Variants in VWA3B observed in about 807,000 individuals in gnomAD.
VWA3B encodes the protein von Willebrand factor A domain containing 3B.
VWA3B carries 138 observed loss-of-function variants against 158.3 expected under a neutral mutation model. That is an observed-to-expected ratio of 0.87 (90% CI 0.76 to 1.00). The LOEUF is 1.00. Among genes scored for constraint, VWA3B ranks in the 50% least tolerant of loss-of-function variants. The pLI, the probability that VWA3B is intolerant of heterozygous loss-of-function variation, is 0.00. For missense variants in VWA3B, 1,555 were observed against 1,565.1 expected (o/e 0.99, Z 0.11); for synonymous variants, 596 against 587.3 (o/e 1.01, Z -0.21).
chr2:98,130,918 A>G (rs997937631), intron 6 of VWA3B, among the ~76,000 whole-genome samples: 4 of 152,294 alleles, frequency 2.6e-5, no homozygotes, highest in South Asian at 2.1e-4. Flanking sequence ...TATCATTTCT[A>G]TGTGTTGGGA....
chr2:98,228,205 G>T lies in VWA3B; in HGVS notation c.2023G>T (p.Glu675Ter). ...TATTCACTTCTCATTTTGGCAGAATGAAGATCTGACTCTTTTAGTTAAGGA... is the reference window on the plus strand; with the variant it reads ...TATTCACTTCTCATTTTGGCAGAATTAAGATCTGACTCTTTTAGTTAAGGA... ...DPTPPEAVQN[E>*]DLTLLVKEME... Residue 675 changes from glutamate (E) to a stop codon, truncating the protein, a stop_gained, in exon 15 of 28, where the codon GAA becomes TAA. Coordinates refer to ENST00000477737, the MANE Select transcript of VWA3B (RefSeq NM_144992.5). LOFTEE classifies it high-confidence loss of function. 1 of 1,611,082 alleles carries T rather than the reference G, an allele frequency of 6.2e-7. No individual in the cohort carries two copies. Among genetic ancestry groups the T allele is most frequent in the South Asian group, 1.1e-5 (1 of 90,362 alleles).
chr2:98,236,136 A>C (rs1685660617), intron 17 of VWA3B, among the ~76,000 whole-genome samples: 1 of 152,216 alleles, frequency 6.6e-6, no homozygotes, highest in East Asian at 1.9e-4. Context: ...GTGTTTTCTG[A>C]ATGAAAGAAT....
chr2:98,132,693 C>G (rs912889958), intron 6 of VWA3B, among the ~76,000 whole-genome samples: 1 of 152,224 alleles, frequency 6.6e-6, no homozygotes, highest in African/African-American at 2.4e-5. Context: ...AAACCTCACC[C>G]ATCTCCCCTC....
chr2:98,233,515 G>A (rs1321447170), intron 16 of VWA3B, among the ~76,000 whole-genome samples: 1 of 152,170 alleles, frequency 6.6e-6, no homozygotes, highest in African/African-American at 2.4e-5. Context: ...TCAGCTCTCT[G>A]ATTTGGATTG....
chr2:98,121,190 C>A, intron 4 of VWA3B, 109 bp from the exon 5 acceptor site: 1 of 1,343,294 alleles, frequency 7.4e-7, no homozygotes, highest in Non-Finnish European at 1.0e-6. Flanking sequence ...TCTTTTTCAG[C>A]TCTAGAGATG....
chr2:98,259,882 T>G (rs1687377191), intron 21 of VWA3B, among the ~76,000 whole-genome samples: 1 of 151,780 alleles, frequency 6.6e-6, no homozygotes, highest in African/African-American at 2.4e-5. Context: ...ATAAAACTTC[T>G]TCTGAGCACT....
chr2:98,119,348 A>T (rs1674775554), intron 3 of VWA3B, among the ~76,000 whole-genome samples, 165 bp from the exon 4 acceptor site: 1 of 151,160 alleles, frequency 6.6e-6, no homozygotes, highest in Non-Finnish European at 1.5e-5. Flanking sequence ...GGAGAATCCA[A>T]GCGTTTTTCT....
At chr2:98,254,423 A>T (rs182985582) in intron 20 of VWA3B, among the ~76,000 whole-genome samples, 2 of 152,304 alleles carry the variant, frequency 1.3e-5, no homozygotes, top group Non-Finnish European at 2.9e-5. Flanking sequence ...TCAGAGAAGC[A>T]CAAAGATACC....
At chr2:98,165,377 C>T (rs1446238613) in intron 8 of VWA3B, among the ~76,000 whole-genome samples, 1 of 152,184 alleles carries the variant, frequency 6.6e-6, no homozygotes, top group Non-Finnish European at 1.5e-5. Flanking sequence ...ATCTGCTTCC[C>T]ACCCACCGGA....
intron 22 of VWA3B, among the ~76,000 whole-genome samples, chr2:98,288,121 G>A (rs1689271246): frequency 1.3e-5 from 2 of 152,110 alleles, no homozygotes; most frequent in African/African-American, 4.8e-5. Context: ...TCCCAATTTG[G>A]GACTCTATTG....
chr2:98,249,030 A>T (rs1686625105), intron 19 of VWA3B, among the ~76,000 whole-genome samples: 1 of 152,092 alleles, frequency 6.6e-6, no homozygotes, highest in Admixed American at 6.5e-5. Flanking sequence ...ATGTCACCTC[A>T]ATTAAAATTA....
At chr2:98,130,290 C>A (rs1675756578) in intron 6 of VWA3B, among the ~76,000 whole-genome samples, 1 of 152,166 alleles carries the variant, frequency 6.6e-6, no homozygotes, top group Admixed American at 6.5e-5. Flanking sequence ...ATGGAATATA[C>A]AATCGGGCTT....
chr2:98,222,128 A>G (rs1461009906), intron 14 of VWA3B, among the ~76,000 whole-genome samples: 2 of 152,088 alleles, frequency 1.3e-5, no homozygotes, highest in African/African-American at 2.4e-5. Context: ...CTGAGGCTCC[A>G]CTTCCGTTCA....
intron 9 of VWA3B, among the ~76,000 whole-genome samples, chr2:98,185,299 T>A (rs1304320577): frequency 6.6e-6 from 1 of 152,200 alleles, no homozygotes; most frequent in Non-Finnish European, 1.5e-5. Context: ...TATCCTCCCA[T>A]GCATCCTCAA....
At chr2:98,203,112 T>C (rs1045221928) in intron 12 of VWA3B, among the ~76,000 whole-genome samples, 3 of 152,258 alleles carry the variant, frequency 2.0e-5, no homozygotes, top group African/African-American at 4.8e-5. Flanking sequence ...ATTACAGGCG[T>C]GAGCCACCAC....
the VWA3B span, among the ~76,000 whole-genome samples, chr2:98,329,561 A>G: frequency 6.6e-6 from 1 of 152,146 alleles, no homozygotes; most frequent in East Asian, 1.9e-4. Context: ...CCATAAGTAC[A>G]TGAAGAGTAG....
At chr2:98,293,566 C>A (rs1190826191) in intron 23 of VWA3B, among the ~76,000 whole-genome samples, 3 of 152,160 alleles carry the variant, frequency 2.0e-5, no homozygotes, top group African/African-American at 7.2e-5. Context: ...ACTCTTTACC[C>A]AGATTTGCCA....
intron 23 of VWA3B, among the ~76,000 whole-genome samples, chr2:98,292,521 T>C (rs1689559489): frequency 6.6e-6 from 1 of 152,122 alleles, no homozygotes; most frequent in African/African-American, 2.4e-5. Context: ...ATGACACCCT[T>C]CTTTACAAGG....
At chr2:98,242,269 C>G in intron 19 of VWA3B, 1 of 456,208 alleles carries the variant, frequency 2.2e-6, no homozygotes, top group Non-Finnish European at 4.4e-6. Flanking sequence ...TTTCCCGGAC[C>G]AGCCTCAAAT....
Sources: allele counts gnomAD v4.1 joint callset (sites outside exome capture counted in the v4.1 genomes callset), GRCh38; gene constraint gnomAD v4.1.1; transcripts MANE v1.5; gene names NCBI Gene and HGNC (gene_info 2026-07-23, HGNC 2026-07-21).